PTPRO: variants seen among roughly 807,000 people sequenced by gnomAD.
PTPRO encodes protein tyrosine phosphatase receptor type O, also known as receptor-type tyrosine-protein phosphatase O.
Under a neutral mutation model 145.2 loss-of-function variants are expected in PTPRO, and 62 were observed. The observed-to-expected ratio is 0.43, with a 90% CI of 0.35 to 0.53. The LOEUF is 0.53. Among genes scored for constraint, PTPRO ranks in the 20% least tolerant of loss-of-function variants. The pLI is 0.01. For missense variants in PTPRO, 1,345 were observed against 1,482.7 expected, an observed-to-expected ratio of 0.91 and a Z score of 1.53; for synonymous variants, 565 against 514.7, an observed-to-expected ratio of 1.10 and a Z score of -1.32.
At chr12:15,490,571 G>A (rs1330721629) in intron 2 of PTPRO, among the ~76,000 whole-genome samples, 2 of 152,100 alleles carry the variant, frequency 1.3e-5, no homozygotes, top group Non-Finnish European at 2.9e-5. Flanking sequence ...ACAAAAACAG[G>A]TGGCAGGGCA....
chr12:15,356,833 T>A (rs2136237582), intron 1 of PTPRO, among the ~76,000 whole-genome samples: 1 of 152,334 alleles, frequency 6.6e-6, no homozygotes, highest in East Asian at 1.9e-4. Context: ...AACTATTTTT[T>A]AATCACCTTT....
At chr12:15,519,388 G>T (rs1942666413) in intron 9 of PTPRO, among the ~76,000 whole-genome samples, 1 of 152,156 alleles carries the variant, frequency 6.6e-6, no homozygotes, top group Admixed American at 6.5e-5. Context: ...CTATTTTCAA[G>T]TTTTTTTCAT....
At chr12:15,583,199 C>A (rs1944357633) in intron 23 of PTPRO, among the ~76,000 whole-genome samples, 1 of 152,098 alleles carries the variant, frequency 6.6e-6, no homozygotes, top group Admixed American at 6.6e-5. Flanking sequence ...TGAAAAAAGA[C>A]AACTGAGTAT....
At position 15,546,680 on chromosome 12, in the gene PTPRO, T is replaced by C. The variant is rs761466111; in HGVS notation, c.2276T>C (p.Val759Ala). The change falls in exon 13 of 27, where the codon GTT becomes GCT. Residue 759 changes from valine to alanine, a missense_variant. This residue lies in a region of PTPRO where 1,130 missense variants were observed against 1,214.7 expected (regional missense o/e 0.93). Coordinates refer to ENST00000281171, the MANE Select transcript of PTPRO (RefSeq NM_030667.3). ...ADFFEVFCQQ[V>A]GSSQKTKLQE... ...TTCTTTGAAGTTTTCTGTCAACAAGTTGGCTCCAGTCAGAAAACCAAACTT... is the reference window on the plus strand; with the variant it reads ...TTCTTTGAAGTTTTCTGTCAACAAGCTGGCTCCAGTCAGAAAACCAAACTT... 6.2e-7 allele frequency: 1 copy of C among 1,614,032 alleles called. No individual in the cohort carries two copies. Among genetic ancestry groups the C allele is most frequent in the Non-Finnish European group, 8.5e-7 (1 of 1,179,942 alleles).
At chr12:15,334,337 T>A (rs1866695053) in intron 1 of PTPRO, among the ~76,000 whole-genome samples, 1 of 152,202 alleles carries the variant, frequency 6.6e-6, no homozygotes, top group Admixed American at 6.5e-5. Flanking sequence ...TGGTAATTTT[T>A]ATACTCAGTT....
intron 1 of PTPRO, among the ~76,000 whole-genome samples, chr12:15,429,191 C>T (rs1294405989): frequency 1.3e-5 from 2 of 152,134 alleles, no homozygotes; most frequent in Non-Finnish European, 2.9e-5. Flanking sequence ...TTACCATGCA[C>T]GAAGCACTGT....
chr12:15,431,480 A>G (rs1053033712), intron 1 of PTPRO, among the ~76,000 whole-genome samples: 5 of 152,208 alleles, frequency 3.3e-5, no homozygotes, highest in African/African-American at 7.2e-5. Flanking sequence ...CTATTCAATT[A>G]TCTCCTTCTG....
intron 1 of PTPRO, among the ~76,000 whole-genome samples, chr12:15,339,176 A>G (rs761561729): frequency 1.3e-5 from 2 of 152,194 alleles, no homozygotes; most frequent in Non-Finnish European, 2.9e-5. Context: ...AAAATTTAAT[A>G]TAAGTCCAAT....
Position 15,516,518 on chromosome 12 carries a change from A to AAAAAG in PTPRO, c.1586-233_1586-229dup, listed in dbSNP as rs3085509. ...AAAGAAAGAAAAGAAAGAAAGAAAG[A>AAAAAG]AAAAGAAAAGAAAAGATGAAAGGAG... On this transcript the variant is annotated intron_variant, in intron 8 of 26. Coordinates refer to ENST00000281171, the MANE Select transcript of PTPRO (RefSeq NM_030667.3). Among the ~76,000 whole-genome samples the AAAAAG allele has an allele frequency of 0.72, 97,698 of 134,846 alleles. 36,104 individuals are homozygous for AAAAAG. Among genetic ancestry groups the AAAAAG allele is most frequent in the East Asian group, 0.81 (3,631 of 4,462 alleles). 88.5% of individuals were successfully genotyped at this position (134,846 alleles called of 152,430 possible).
intron 25 of PTPRO, among the ~76,000 whole-genome samples, chr12:15,593,772 A>G (rs1392658286): frequency 6.6e-6 from 1 of 152,190 alleles, no homozygotes; most frequent in Admixed American, 6.5e-5. Context: ...CTCCACAAAC[A>G]ATAGGTAAAA....
At chr12:15,389,022 T>C (rs571210252) in intron 1 of PTPRO, among the ~76,000 whole-genome samples, 1 of 152,226 alleles carries the variant, frequency 6.6e-6, no homozygotes, top group East Asian at 1.9e-4. Flanking sequence ...ATTTTGATGG[T>C]ATTTTTTTTT....
At chr12:15,365,267 A>G (rs1211426388) in intron 1 of PTPRO, among the ~76,000 whole-genome samples, 1 of 152,160 alleles carries the variant, frequency 6.6e-6, no homozygotes, top group Non-Finnish European at 1.5e-5. Context: ...ATATTTGGCC[A>G]GTCCACATGA....
chr12:15,437,458 C>G (rs1940630020), intron 1 of PTPRO, among the ~76,000 whole-genome samples: 1 of 151,934 alleles, frequency 6.6e-6, no homozygotes, highest in South Asian at 2.1e-4. Context: ...TGTTCACACT[C>G]AGGCAGATCA....
chr12:15,358,831 G>A (rs548597555), intron 1 of PTPRO, among the ~76,000 whole-genome samples: 4 of 152,334 alleles, frequency 2.6e-5, no homozygotes, highest in African/African-American at 7.2e-5. Context: ...TCGAAAGTTT[G>A]TCACTGTCAG....
intron 2 of PTPRO, among the ~76,000 whole-genome samples, chr12:15,494,134 T>C (rs915575237): frequency 6.6e-5 from 10 of 152,204 alleles, no homozygotes; most frequent in African/African-American, 2.4e-4. Context: ...CTTCTGGTCA[T>C]GGTGGGAAAA....
chr12:15,523,435 T>G (rs1942769379), intron 10 of PTPRO, among the ~76,000 whole-genome samples: 1 of 152,212 alleles, frequency 6.6e-6, no homozygotes, highest in Non-Finnish European at 1.5e-5. Context: ...GTATAAAGCT[T>G]GTGATGAATT....
intron 1 of PTPRO, among the ~76,000 whole-genome samples, chr12:15,406,760 T>C (rs758067643): frequency 1.2e-4 from 18 of 152,186 alleles, no homozygotes; most frequent in Admixed American, 1.3e-4. Flanking sequence ...GTCAGATAAA[T>C]GATGAGGCTC....
chr12:15,388,108 G>A (rs1177028896), intron 1 of PTPRO, among the ~76,000 whole-genome samples: 1 of 152,078 alleles, frequency 6.6e-6, no homozygotes, highest in Non-Finnish European at 1.5e-5. Flanking sequence ...CTAAAAAAAA[G>A]ATAGTGGATT....
chr12:15,490,423 A>G (rs1941976411), intron 2 of PTPRO, among the ~76,000 whole-genome samples: 2 of 152,192 alleles, frequency 1.3e-5, no homozygotes, highest in African/African-American at 4.8e-5. Context: ...AACAAATGAT[A>G]ATGGCTATAT....
Sources: allele counts gnomAD v4.1 joint callset (sites outside exome capture counted in the v4.1 genomes callset), GRCh38; gene constraint gnomAD v4.1.1; regional missense constraint gnomAD v4.1.1; transcripts MANE v1.5; gene names NCBI Gene and HGNC (gene_info 2026-07-23, HGNC 2026-07-21).